Variants in AHR observed in about 807,000 individuals in gnomAD.
AHR encodes the protein AH-receptor.
Under a neutral mutation model 86.8 loss-of-function variants are expected in AHR, and 40 were observed. The observed-to-expected ratio is 0.46, with a 90% CI of 0.36 to 0.60. The LOEUF is 0.60. Among genes scored for constraint, AHR ranks in the 20% least tolerant of loss-of-function variants. AHR has a pLI of 0.00. For missense variants in AHR, 1,001 were observed against 1,011.6 expected, an observed-to-expected ratio of 0.99 and a Z score of 0.14; for synonymous variants, 398 against 354.9, an observed-to-expected ratio of 1.12 and a Z score of -1.37.
intron 3 of AHR, among the ~76,000 whole-genome samples, chr7:17,324,378 C>G (rs963382036): frequency 1.3e-5 from 2 of 152,122 alleles, no homozygotes; most frequent in Non-Finnish European, 2.9e-5. Context: ...TTGCAACCGA[C>G]GGTTATCAGC....
intron 2 of AHR, among the ~76,000 whole-genome samples, chr7:17,310,865 C>T (rs1328109420): frequency 6.6e-6 from 1 of 152,102 alleles, no homozygotes; most frequent in Non-Finnish European, 1.5e-5. Context: ...TAATTGTATA[C>T]CGACTGCAAG....
intron 2 of AHR, among the ~76,000 whole-genome samples, chr7:17,322,078 C>T (rs1782179974): frequency 6.6e-6 from 1 of 151,794 alleles, no homozygotes; most frequent in Non-Finnish European, 1.5e-5. Context: ...CCTAATATTT[C>T]AATAAATACA....
intron 2 of AHR, among the ~76,000 whole-genome samples, chr7:17,313,577 G>A (rs1334545012): frequency 2.6e-5 from 4 of 152,074 alleles, no homozygotes; most frequent in Non-Finnish European, 1.5e-5. Context: ...TACTGCTGCT[G>A]CTGTCTGAAA....
intron 4 of AHR, among the ~76,000 whole-genome samples, chr7:17,329,373 TAAAA>T (rs913649993): frequency 6.7e-6 from 1 of 150,308 alleles, no homozygotes; most frequent in African/African-American, 2.4e-5. Flanking sequence ...AACTTGCAGT[TAAAA>T]AAAAAGGAAA....
intron 2 of AHR, among the ~76,000 whole-genome samples, chr7:17,312,026 C>T (rs2115354003): frequency 6.6e-6 from 1 of 152,282 alleles, no homozygotes; most frequent in South Asian, 2.1e-4. Flanking sequence ...CAACCCTAGA[C>T]CTGTGGAATC....
At chr7:17,321,982 TG>T in intron 2 of AHR, among the ~76,000 whole-genome samples, 1 of 152,034 alleles carries the variant, frequency 6.6e-6, no homozygotes. Flanking sequence ...TTTACCCAAA[TG>T]CTGGACAAGA....
chr7:17,309,231 G>C (rs149898577), intron 1 of AHR, among the ~76,000 whole-genome samples: 3 of 152,246 alleles, frequency 2.0e-5, no homozygotes, highest in East Asian at 3.9e-4. Flanking sequence ...CACAAGCTAC[G>C]AAAGCTAATA....
At chr7:17,302,919 G>T (rs1179083513) in intron 1 of AHR, among the ~76,000 whole-genome samples, 1 of 151,926 alleles carries the variant, frequency 6.6e-6, no homozygotes, top group East Asian at 1.9e-4. Flanking sequence ...ATTCGCCCGT[G>T]AAACAGTAAG....
rs778706058 is a variant in AHR, at chr7:17,335,805, T to G, written c.1160+19T>G. 6.2e-7 allele frequency: 1 copy of G among 1,604,730 alleles called. No individual in the cohort carries two copies. The highest frequency in any genetic ancestry group is 8.5e-7 in the Non-Finnish European group (1 of 1,176,492). On this transcript the variant is annotated intron_variant, in intron 9 of 10. Coordinates refer to ENST00000242057, the MANE Select transcript of AHR (RefSeq NM_001621.5). Reference sequence around the variant, plus strand: ...CACTAACGTAAGCACAAATAATGTTTCCTGTTTTAACAGTTTTGTTTTCAT... The same window carrying G: ...CACTAACGTAAGCACAAATAATGTTGCCTGTTTTAACAGTTTTGTTTTCAT...
intron 1 of AHR, 45 bp from the exon 2 acceptor site, chr7:17,309,891 T>C (rs1177527762): frequency 1.3e-5 from 19 of 1,453,186 alleles, no homozygotes; most frequent in Non-Finnish European, 1.7e-5. Context: ...ATTTTTGCTT[T>C]ATATTTTTTA....
At position 17,299,141 on chromosome 7, in the gene AHR, A is replaced by G; in HGVS notation, c.-124A>G. On this transcript the variant is annotated 5_prime_UTR_variant, in exon 1 of 11. Coordinates refer to ENST00000242057, the MANE Select transcript of AHR (RefSeq NM_001621.5). Reference sequence around the variant, plus strand: ...CCACGCCACTGTCCCGAGAGGACGCAGGTGGAGCGGGCGCGGCTTCGCGGA... The same window carrying G: ...CCACGCCACTGTCCCGAGAGGACGCGGGTGGAGCGGGCGCGGCTTCGCGGA... The G allele has an allele frequency of 9.6e-7, 1 of 1,039,610 alleles. No individual in the cohort carries two copies. The highest frequency in any genetic ancestry group is 1.3e-6 in the Non-Finnish European group (1 of 747,884). 64.4% of individuals were successfully genotyped at this position (1,039,610 alleles called of 1,614,324 possible). A position where few individuals can be genotyped will look rare whatever the true frequency, so the allele number is the denominator to read the frequency against.
In AHR at chr7:17,344,004, A is replaced by G. The variant is rs1782455881; in HGVS notation, c.*940A>G. 6.6e-6 allele frequency: 1 copy of G among 152,592 alleles called. No individual in the cohort carries two copies. Among genetic ancestry groups the G allele is most frequent in the Non-Finnish European group, 1.5e-5 (1 of 67,978 alleles). The allele number at this position is 152,592 out of a possible 1,614,324, so 9.5% of individuals were successfully genotyped here. On this transcript the variant is annotated 3_prime_UTR_variant, in exon 11 of 11. Transcript: ENST00000242057. ...AATATACCACTCTTTACCTTTATTGATATCTCCATGATGATAGTTGAATGT... is the reference window on the plus strand; with the variant it reads ...AATATACCACTCTTTACCTTTATTGGTATCTCCATGATGATAGTTGAATGT...
intron 2 of AHR, among the ~76,000 whole-genome samples, chr7:17,320,371 G>A (rs1185602597): frequency 6.6e-6 from 1 of 151,986 alleles, no homozygotes; most frequent in Non-Finnish European, 1.5e-5. Context: ...TCTTCTCAGT[G>A]ATCAAGTAGT....
chr7:17,343,058 C>T lies in AHR; in HGVS notation c.2541C>T (p.Phe847=). 6.2e-7 allele frequency: 1 copy of T among 1,613,612 alleles called. No individual in the cohort carries two copies. Residue 847 remains phenylalanine (F), a synonymous_variant, in exon 11 of 11, where the codon TTC becomes TTT. Coordinates refer to ENST00000242057, the MANE Select transcript of AHR (RefSeq NM_001621.5). ...TTCCTGATTTGACATCCAGTGGATT[C>T]CTGTAATTCCAAGCCCAATTTTGAC... ...RPFPDLTSSG[F]L
chr7:17,313,910 T>C (rs1755693931), intron 2 of AHR, among the ~76,000 whole-genome samples: 1 of 152,126 alleles, frequency 6.6e-6, no homozygotes, highest in African/African-American at 2.4e-5. Flanking sequence ...ATATCATGTC[T>C]CTCAAAATTG....
chr7:17,299,350 C>T (rs1374528989), intron 1 of AHR, 21 bp downstream of exon 1: 2 of 1,610,414 alleles, frequency 1.2e-6, no homozygotes, highest in Non-Finnish European at 1.7e-6. Flanking sequence ...CGAGCGCGTC[C>T]TCATCGCGGG....
At position 17,322,573 on chromosome 7, in the gene AHR, G is replaced by C; in HGVS notation, c.326G>C (p.Gly109Ala). The change falls in exon 3 of 11, where the codon GGC (glycine) becomes GCC (alanine). Residue 109 changes from glycine (G) to alanine (A), a missense_variant. Gly to Ala is a moderately conservative substitution (Grantham distance 60). This residue lies in a region of AHR where 394 missense variants were observed against 468.5 expected (regional missense o/e 0.84). Transcript: ENST00000242057. ...TGTAGAGCAGCAAATTTCAGAGAAG[G>C]CCTGAACTTACAAGAAGGAGAATTC... ...DNCRAANFRE[G>A]LNLQEGEFLL... is the part of the protein sequence containing the mutation. 6.2e-7 allele frequency: 1 copy of C among 1,612,312 alleles called. No homozygotes were observed. Among genetic ancestry groups the C allele is most frequent in the Non-Finnish European group, 8.5e-7 (1 of 1,178,738 alleles).
intron 1 of AHR, among the ~76,000 whole-genome samples, chr7:17,301,793 C>T (rs1781957189): frequency 1.3e-5 from 2 of 151,858 alleles, no homozygotes; most frequent in Non-Finnish European, 2.9e-5. Flanking sequence ...ATAAATATTT[C>T]CTTTCTTTTT....
At chr7:17,308,807 C>T (rs1358451954) in intron 1 of AHR, among the ~76,000 whole-genome samples, 1 of 152,036 alleles carries the variant, frequency 6.6e-6, no homozygotes, top group African/African-American at 2.4e-5. Context: ...TATTACTTCT[C>T]CACATACATC....
Sources: gnomAD v4.1 joint callset for allele counts (sites outside exome capture counted in the v4.1 genomes callset) on GRCh38, gnomAD v4.1.1 for gene constraint, gnomAD v4.1.1 regional missense constraint, MANE v1.5 for transcripts, NCBI Gene and HGNC (gene_info 2026-07-23, HGNC 2026-07-21) for gene names.